MCF2L: variants seen among roughly 807,000 people sequenced by gnomAD.
The protein encoded by MCF2L is guanine nucleotide exchange factor DBS.
In MCF2L, 97 loss-of-function variants were observed where a neutral mutation model predicts 153.4. That is an observed-to-expected ratio of 0.63 (90% CI 0.54 to 0.75). The LOEUF is 0.75. MCF2L is among the 30% of genes least tolerant of loss of function. MCF2L has a pLI of 0.00. For missense variants in MCF2L, 1,347 were observed against 1,495.2 expected (o/e 0.90, Z 1.64); for synonymous variants, 659 against 632.2 (o/e 1.04, Z -0.64).
At chr13:113,090,459 CGCCTTCTCAG>C (rs2035099852) in intron 26 of MCF2L, 1 of 984,128 alleles carries the variant, frequency 1.0e-6, no homozygotes, top group African/African-American at 1.8e-5. Flanking sequence ...CGCCTTCTCC[CGCCTTCTCAG>C]GTGAGTTCCC....
intron 4 of MCF2L, 117 bp from the exon 5 acceptor site, chr13:113,060,476 A>G: frequency 8.3e-7 from 1 of 1,207,554 alleles, no homozygotes; most frequent in Non-Finnish European, 1.2e-6. Context: ...TGCTGCGTTG[A>G]GGATGCCTGG....
At chr13:112,986,722 A>G (rs2082658022) in intron 1 of MCF2L, among the ~76,000 whole-genome samples, 2 of 152,188 alleles carry the variant, frequency 1.3e-5, no homozygotes, top group African/African-American at 4.8e-5. Flanking sequence ...GTGGGTGGAC[A>G]CTGGGCCGAG....
At chr13:112,905,991 G>A (rs1454778924) in intron 2 of MCF2L, among the ~76,000 whole-genome samples, 6 of 152,182 alleles carry the variant, frequency 3.9e-5, no homozygotes, top group South Asian at 2.1e-4. Context: ...CCTGCTGGGC[G>A]ATGAACAGTG....
Position 113,046,730 on chromosome 13 carries a change from C to T in MCF2L, c.369+1369C>T, listed in dbSNP as rs1240431756. 8.1e-6 allele frequency: 4 copies of T among 493,772 alleles called. No individual in the cohort carries two copies. Among genetic ancestry groups the T allele is most frequent in the Admixed American group, 4.4e-5 (2 of 45,166 alleles). 30.6% of individuals were successfully genotyped at this position (493,772 alleles called of 1,614,324 possible). ...CTTGCACCCCCACGGCACCTCTCTG[C>T]CCCTCGCCGCGGCGGATCCCCGTTC... On this transcript the variant is annotated intron_variant, in intron 4 of 29. Transcript: ENST00000535094. This position sits in a 1 kb window ranked among gnomAD's most constrained non-coding sequence, Gnocchi z 4.4.
intron 4 of MCF2L, among the ~76,000 whole-genome samples, chr13:113,058,086 T>TGC (rs1019011180): frequency 1.4e-5 from 2 of 147,744 alleles, no homozygotes; most frequent in Non-Finnish European, 3.0e-5. Flanking sequence ...GCTGTTTGGG[T>TGC]GCTGAGTGTT....
intron 2 of MCF2L, among the ~76,000 whole-genome samples, chr13:112,921,224 A>C (rs757506203): frequency 6.6e-6 from 1 of 152,096 alleles, no homozygotes; most frequent in Non-Finnish European, 1.5e-5. Context: ...AAAACAAAAC[A>C]AAAAAACTGC....
intron 1 of MCF2L, among the ~76,000 whole-genome samples, chr13:112,970,492 C>T (rs921089392): frequency 6.6e-6 from 1 of 152,118 alleles, no homozygotes; most frequent in Non-Finnish European, 1.5e-5. Context: ...ATTTTCATGC[C>T]GTCTGCTCCC....
At chr13:112,902,488 A>C in intron 2 of MCF2L, 1 of 1,064,388 alleles carries the variant, frequency 9.4e-7, no homozygotes, top group Non-Finnish European at 1.3e-6. Context: ...GATCCTGGGA[A>C]TGCATGACCC....
intron 2 of MCF2L, among the ~76,000 whole-genome samples, chr13:113,023,774 T>A (rs894951157): frequency 1.3e-5 from 2 of 152,140 alleles, no homozygotes; most frequent in African/African-American, 4.8e-5. Context: ...TGTGTCCTCA[T>A]GGGGGCTGGG....
intron 4 of MCF2L, among the ~76,000 whole-genome samples, chr13:113,056,005 G>T (rs2087741165): frequency 1.3e-5 from 2 of 152,196 alleles, no homozygotes; most frequent in African/African-American, 2.4e-5. Context: ...ACCCGCAGAG[G>T]ACCTGCCAAG....
intron 1 of MCF2L, among the ~76,000 whole-genome samples, chr13:112,973,253 C>G (rs1035684136): frequency 1.3e-5 from 2 of 152,200 alleles, no homozygotes; most frequent in African/African-American, 4.8e-5. Context: ...ATTTCTTTGT[C>G]CATTTTTTAA....
intron 3 of MCF2L, chr13:113,044,565 G>A: frequency 2.7e-6 from 4 of 1,506,360 alleles, no homozygotes; most frequent in Non-Finnish European, 3.6e-6. Context: ...GGATTGGCTG[G>A]TGGTAGCAGC....
intron 2 of MCF2L, among the ~76,000 whole-genome samples, chr13:112,935,280 G>A (rs1247203555): frequency 1.3e-5 from 2 of 151,608 alleles, no homozygotes; most frequent in Admixed American, 6.6e-5. Context: ...TTTTTGAGAT[G>A]GAGTCTCGCT....
rs11431408 is a variant in MCF2L, at chr13:112,919,205, A to ATTTT, written c.169+16849_169+16852dup. ...AAAAGACTATCAGGTAAGAATTTGC[A>ATTTT]TTTTTTTTTTTTTTTTTTGAGACGG... On this transcript the variant is annotated intron_variant, in intron 2 of 29. Transcript: ENST00000375608. Among the ~76,000 whole-genome samples, 508 of 125,628 alleles carry ATTTT rather than the reference A, an allele frequency of 4.0e-3. 20 individuals are homozygous for ATTTT. Among genetic ancestry groups the ATTTT allele is most frequent in the African/African-American group, 8.3e-3 (273 of 32,708 alleles). The allele number at this position is 125,628 out of a possible 152,430, so 82.4% of individuals were successfully genotyped here.
In MCF2L at chr13:112,904,328, G is replaced by A. The variant is rs916396712; in HGVS notation, c.169+1957G>A. On this transcript the variant is annotated intron_variant, in intron 2 of 29. Coordinates refer to the MCF2L transcript ENST00000375608. The surrounding 1 kb of genome is among the most constrained non-coding windows in gnomAD (Gnocchi z 4.2). ...GCTCAGGAGCATGTCAGGGTCCACC[G>A]TGCACCAGCCGTGGAGCAGAGCCTG... 7.9e-5 allele frequency among the ~76,000 whole-genome samples: 12 copies of A among 152,202 alleles called. No individual in the cohort carries two copies. The highest frequency in any genetic ancestry group is 2.4e-4 in the African/African-American group (10 of 41,556).
chr13:112,958,935 G>A (rs533004493), intron 2 of MCF2L, among the ~76,000 whole-genome samples: 2 of 152,268 alleles, frequency 1.3e-5, no homozygotes, highest in South Asian at 2.1e-4. Context: ...AATCCTGGGC[G>A]GGAGGATGGC....
chr13:113,088,649 G>A lies in MCF2L; in HGVS notation c.2834+21G>A, dbSNP rs374795926. 63 of 1,599,258 alleles carry A rather than the reference G, an allele frequency of 3.9e-5. No homozygotes were observed. The South Asian group carries it at 4.5e-4, about 12-fold the overall frequency. On this transcript the variant is annotated intron_variant, in intron 25 of 29. Transcript: ENST00000535094. The stretch of plus-strand genomic sequence containing the variant: ...ACCAGGTGAGAATGGACACGCTGCC[G>A]CAGGCCTGCGTTTCTGGAGCAGTCC...
At position 113,097,177 on chromosome 13, in the gene MCF2L, G is replaced by A. The variant is rs2035736937; in HGVS notation, c.*318G>A. On this transcript the variant is annotated 3_prime_UTR_variant, in exon 30 of 30. Transcript: ENST00000535094. ...CCTCTGGACGGTGCTTTCAGGGGAC[G>A]CGCGGACCGTGGTGGAGCTGCTTCC... 7.7e-6 allele frequency: 2 copies of A among 260,910 alleles called. No homozygotes were observed. The highest frequency in any genetic ancestry group is 4.5e-5 in the African/African-American group (2 of 44,602). 16.2% of individuals were successfully genotyped at this position (260,910 alleles called of 1,614,324 possible). A position where few individuals can be genotyped will look rare whatever the true frequency, so the allele number is the denominator to read the frequency against.
chr13:112,942,056 AG>A (rs2081580461), intron 2 of MCF2L, among the ~76,000 whole-genome samples: 3 of 152,216 alleles, frequency 2.0e-5, no homozygotes, highest in Non-Finnish European at 2.9e-5. Context: ...AGACCGGGAA[AG>A]GGAGTCTCCT....
Sources: allele counts gnomAD v4.1 joint callset (sites outside exome capture counted in the v4.1 genomes callset), GRCh38; gene constraint gnomAD v4.1.1; non-coding constraint Gnocchi (gnomAD v3.1); transcripts MANE v1.5; gene names NCBI Gene and HGNC (gene_info 2026-07-23, HGNC 2026-07-21).